ABCA13: variants seen among roughly 807,000 people sequenced by gnomAD.
The protein encoded by ABCA13 is ATP-binding cassette sub-family A member 13.
A neutral mutation model predicts 478.7 loss-of-function variants in ABCA13; 476 were observed. That is an observed-to-expected ratio of 0.99 (90% CI 0.92 to 1.07). The LOEUF (loss-of-function observed/expected upper bound fraction) is 1.07, where lower values mean the gene tolerates loss of function less well. Among genes scored for constraint, ABCA13 ranks in the 50% least tolerant of loss-of-function variants. ABCA13 has a pLI of 0.00. For synonymous variants in ABCA13, 2,252 were observed against 2,158.9 expected (o/e 1.04, Z -1.20); for missense variants, 6,060 against 5,910.6 (o/e 1.03, Z -0.83).
At position 48,266,021 on chromosome 7, in the gene ABCA13, T is replaced by TTTTAATTTTTTTGAA. The variant is rs1358062719; in HGVS notation, c.2006-2954_2006-2940dup. ...CTGCATCTATTGAGATGATTTTTCT[T>TTTTAATTTTTTTGAA]TTTAATTTTTTTGAATTTAGTTTTT... On this transcript the variant is annotated intron_variant, in intron 15 of 61. Transcript: ENST00000435803. Among the ~76,000 whole-genome samples, 9 of 151,872 alleles carry TTTTAATTTTTTTGAA rather than the reference T, an allele frequency of 5.9e-5. No homozygotes were observed. In the East Asian group the frequency reaches 1.7e-3, roughly 29 times the overall value.
chr7:48,630,367 G>A (rs1794064876), intron 59 of ABCA13, among the ~76,000 whole-genome samples: 1 of 152,084 alleles, frequency 6.6e-6, no homozygotes, highest in African/African-American at 2.4e-5. Context: ...TTGTTTTCAT[G>A]CATACTCGTT....
chr7:48,644,517 A>G, intron 60 of ABCA13, 100 bp from the exon 61 acceptor site: 1 of 1,286,006 alleles, frequency 7.8e-7, no homozygotes, highest in Admixed American at 2.6e-5. Context: ...AGGTTGAGAA[A>G]ACGTAACTGA....
chr7:48,615,443 G>T, intron 59 of ABCA13, 66 bp downstream of exon 59: 1 of 1,411,398 alleles, frequency 7.1e-7, no homozygotes, highest in Non-Finnish European at 9.7e-7. Flanking sequence ...GCAGGGTTAT[G>T]ACTGGAGATG....
At chr7:48,223,483 G>A (rs1002473430) in intron 5 of ABCA13, among the ~76,000 whole-genome samples, 1 of 152,176 alleles carries the variant, frequency 6.6e-6, no homozygotes, top group Non-Finnish European at 1.5e-5. Context: ...GGAAGCCCAG[G>A]AAGGCAATTT....
intron 55 of ABCA13, among the ~76,000 whole-genome samples, chr7:48,559,049 C>T (rs895697101): frequency 1.3e-5 from 2 of 152,156 alleles, no homozygotes; most frequent in African/African-American, 4.8e-5. Context: ...CCTATGTTCA[C>T]TCAAGGCCCT....
intron 32 of ABCA13, among the ~76,000 whole-genome samples, chr7:48,368,798 G>C (rs182866879): frequency 7.3e-6 from 1 of 137,312 alleles, no homozygotes; most frequent in Non-Finnish European, 1.6e-5. Context: ...CACACACACA[G>C]ACATTTTCTT....
chr7:48,274,566 C>T lies in ABCA13; in HGVS notation c.4900C>T (p.Leu1634=). 1.2e-6 allele frequency: 2 copies of T among 1,613,902 alleles called. No individual in the cohort carries two copies. Among genetic ancestry groups the T allele is most frequent in the African/African-American group, 1.3e-5 (1 of 75,034 alleles). Residue 1634 remains leucine (L), a synonymous_variant, in exon 17 of 62, where the codon CTG becomes TTG. Coordinates refer to ENST00000435803, the MANE Select transcript of ABCA13 (RefSeq NM_152701.5). ...GAAAGCTACAGGTCTTGGTATTCAA[C>T]TGATAAGGGATGTGTTCAACTCCTT... is the stretch of plus-strand genomic sequence containing the variant. ...IMKATGLGIQ[L]IRDVFNSLMP...
chr7:48,575,684 A>G (rs1054747997), intron 55 of ABCA13, among the ~76,000 whole-genome samples: 1 of 142,656 alleles, frequency 7.0e-6, no homozygotes, highest in Non-Finnish European at 1.6e-5. Context: ...GTGGAACATG[A>G]AAAAATGAAA....
chr7:48,200,551 G>A (rs1247927860), intron 3 of ABCA13, among the ~76,000 whole-genome samples: 1 of 152,166 alleles, frequency 6.6e-6, no homozygotes, highest in Admixed American at 6.5e-5. Context: ...CACCAGCATT[G>A]CAAAGCCTTT....
chr7:48,517,610 G>A (rs1415236999), intron 52 of ABCA13, among the ~76,000 whole-genome samples: 1 of 152,110 alleles, frequency 6.6e-6, no homozygotes, highest in Non-Finnish European at 1.5e-5. Flanking sequence ...AGGCCTGCCT[G>A]GGTGTTTGCC....
Position 48,520,177 on chromosome 7 carries a change from A to C in ABCA13, c.13934A>C (p.Tyr4645Ser), listed in dbSNP as rs765785680. 3.7e-6 allele frequency: 6 copies of C among 1,613,742 alleles called. No homozygotes were observed. In the South Asian group the frequency reaches 5.5e-5, roughly 15 times the overall value. The change falls in exon 53 of 62, where the codon TAT becomes TCT. Residue 4645 changes from tyrosine to serine, a missense_variant. Tyr to Ser is a moderately radical substitution (Grantham distance 144). Around this residue, in one of 3 missense-constraint regions of ABCA13, gnomAD observed 1,627 missense variants for 1,571.0 expected, o/e 1.04. Transcript: ENST00000435803. ...DLTHNFGIDS[Y>S]VSPFEMNFLG... ...ACCCACAACTTCGGCATTGATTCCT[A>C]TGTGAGTCCCTTTGAGATGAACTTT...
At chr7:48,494,395 T>C (rs1180160030) in intron 48 of ABCA13, among the ~76,000 whole-genome samples, 1 of 152,204 alleles carries the variant, frequency 6.6e-6, no homozygotes, top group African/African-American at 2.4e-5. Flanking sequence ...CTGGCATCCA[T>C]AACCTTCAAC....
chr7:48,279,485 T>A lies in ABCA13; in HGVS notation c.8291T>A (p.Phe2764Tyr). The change falls in exon 18 of 62, where the codon TTT (phenylalanine) becomes TAT (tyrosine). Residue 2764 changes from phenylalanine (F) to tyrosine (Y), a missense_variant. Physicochemically the swap from Phe to Tyr is conservative, Grantham distance 22. Around this residue, in one of 3 missense-constraint regions of ABCA13, gnomAD observed 4,423 missense variants for 4,309.1 expected, o/e 1.03. Coordinates refer to ENST00000435803, the MANE Select transcript of ABCA13 (RefSeq NM_152701.5). ...AATGTTTCTAATGTGTTGATGACATTTACTCAGCATCCAAATAACCTTTTG... is the reference window on the plus strand; with the variant it reads ...AATGTTTCTAATGTGTTGATGACATATACTCAGCATCCAAATAACCTTTTG... Reference protein sequence around the residue: ...NWNVSNVLMTFTQHPNNLLKT... With the variant: ...NWNVSNVLMTYTQHPNNLLKT... 1 of 1,612,506 alleles carries A rather than the reference T, an allele frequency of 6.2e-7. No individual in the cohort carries two copies. The highest frequency in any genetic ancestry group is 8.5e-7 in the Non-Finnish European group (1 of 1,179,042).
intron 55 of ABCA13, among the ~76,000 whole-genome samples, chr7:48,545,707 C>A (rs1784758324): frequency 1.4e-5 from 2 of 146,134 alleles, no homozygotes; most frequent in African/African-American, 2.5e-5. Context: ...ACTACAATCA[C>A]AAAGAAAATG....
intron 7 of ABCA13, 103 bp from the exon 8 acceptor site, chr7:48,233,915 C>T (rs1789550841): frequency 7.4e-7 from 1 of 1,344,694 alleles, no homozygotes; most frequent in Non-Finnish European, 1.0e-6. Context: ...TCTTCATTTG[C>T]TCTTCCTTTA....
intron 33 of ABCA13, 21 bp from the exon 34 acceptor site, chr7:48,374,326 T>C (rs766778026): frequency 6.2e-7 from 1 of 1,600,006 alleles, no homozygotes; most frequent in South Asian, 1.1e-5. Flanking sequence ...GTGCAGTTTT[T>C]CTCCATCAAT....
chr7:48,267,128 A>G (rs972872838), intron 15 of ABCA13, among the ~76,000 whole-genome samples: 4 of 152,022 alleles, frequency 2.6e-5, no homozygotes, highest in Non-Finnish European at 4.4e-5. Flanking sequence ...CTCCATATGC[A>G]CTGGAGAAGA....
At chr7:48,286,251 A>G (rs972068594) in intron 19 of ABCA13, among the ~76,000 whole-genome samples, 4 of 152,318 alleles carry the variant, frequency 2.6e-5, no homozygotes, top group African/African-American at 9.6e-5. Flanking sequence ...TAGGACAAGC[A>G]TATAATGACA....
chr7:48,420,067 AC>A (rs908744544), intron 41 of ABCA13, among the ~76,000 whole-genome samples: 1 of 152,148 alleles, frequency 6.6e-6, no homozygotes, highest in African/African-American at 2.4e-5. Context: ...TGTCTGATAC[AC>A]AGTTAGCATG....
Sources: allele counts gnomAD v4.1 joint callset (sites outside exome capture counted in the v4.1 genomes callset), GRCh38; gene constraint gnomAD v4.1.1; regional missense constraint gnomAD v4.1.1; transcripts MANE v1.5; gene names NCBI Gene and HGNC (gene_info 2026-07-23, HGNC 2026-07-21).